Variants in RNF19B observed in about 807,000 individuals in gnomAD.
RNF19B encodes ring finger protein 19B, also known as E3 ubiquitin-protein ligase RNF19B.
Under a neutral mutation model 65.5 loss-of-function variants are expected in RNF19B, and 23 were observed. That is an observed-to-expected ratio of 0.35 (90% CI 0.25 to 0.50). The LOEUF is 0.50. RNF19B is among the 20% of genes least tolerant of loss of function. The pLI is 0.98. For missense variants in RNF19B, 794 were observed against 980.0 expected (o/e 0.81, Z 2.53); for synonymous variants, 372 against 379.6 (o/e 0.98, Z 0.23).
chr1:32,943,979 T>C, intron 6 of RNF19B, 40 bp downstream of exon 6: 3 of 1,574,310 alleles, frequency 1.9e-6, no homozygotes, highest in Non-Finnish European at 2.6e-6. Context: ...TTATCTTGTA[T>C]ATCATAAATT....
intron 3 of RNF19B, 46 bp from the exon 4 acceptor site, chr1:32,946,610 G>C: frequency 6.4e-7 from 1 of 1,556,966 alleles, no homozygotes; most frequent in Non-Finnish European, 8.8e-7. Flanking sequence ...TACAAATACA[G>C]CTAGTATTAT....
chr1:32,954,013 A>G (rs1642574867), intron 1 of RNF19B, among the ~76,000 whole-genome samples: 1 of 144,298 alleles, frequency 6.9e-6, no homozygotes, highest in South Asian at 2.2e-4. Flanking sequence ...GGTTCAAGCG[A>G]TTCTCCTGCC....
At chr1:32,948,185 G>A (rs1298342760) in intron 3 of RNF19B, 37 bp downstream of exon 3, 1 of 1,602,940 alleles carries the variant, frequency 6.2e-7, no homozygotes. Flanking sequence ...GTAAGAGAAT[G>A]AGACTACGAA....
downstream of RNF19B, among the ~76,000 whole-genome samples, chr1:32,933,163 A>C (rs1642047881): frequency 6.6e-6 from 1 of 152,192 alleles, no homozygotes; most frequent in Non-Finnish European, 1.5e-5. Context: ...TCATTGCTAC[A>C]TCTTATACCT....
intron 1 of RNF19B, among the ~76,000 whole-genome samples, chr1:32,950,307 T>G (rs2124152813): frequency 6.6e-6 from 1 of 152,202 alleles, no homozygotes; most frequent in East Asian, 1.9e-4. Context: ...CACAAATCAT[T>G]TATTTACTTT....
chr1:32,953,713 G>T (rs1034908235), intron 1 of RNF19B, among the ~76,000 whole-genome samples: 1 of 151,978 alleles, frequency 6.6e-6, no homozygotes, highest in Non-Finnish European at 1.5e-5. Context: ...GTCTCCTCAA[G>T]ACAGTGACTA....
intron 8 of RNF19B, among the ~76,000 whole-genome samples, chr1:32,938,106 T>C (rs971648110): frequency 7.5e-5 from 10 of 133,316 alleles, no homozygotes; most frequent in African/African-American, 2.6e-4. Context: ...TTAAGTTCCA[T>C]GTAATTATAC....
chr1:32,943,684 T>C (rs1293043276), intron 6 of RNF19B, among the ~76,000 whole-genome samples: 2 of 152,184 alleles, frequency 1.3e-5, no homozygotes, highest in African/African-American at 4.8e-5. Flanking sequence ...AGCTGTTTGT[T>C]GTAAAAAGCA....
At chr1:32,946,340 T>G in intron 4 of RNF19B, 62 bp downstream of exon 4, 1 of 1,490,876 alleles carries the variant, frequency 6.7e-7, no homozygotes. Flanking sequence ...CCCATTTCCC[T>G]CAAACCTTTA....
At position 32,938,711 on chromosome 1, in the gene RNF19B, C is replaced by T. The variant is rs569358504; in HGVS notation, c.1611-183G>A. Among the ~76,000 whole-genome samples, 28 of 152,200 alleles carry T rather than the reference C, an allele frequency of 1.8e-4. 1 individual carries two copies. The highest frequency in any genetic ancestry group is 6.0e-4 in the African/African-American group (25 of 41,540). On this transcript the variant is annotated intron_variant, in intron 7 of 8. Transcript: ENST00000235150. ...TTTTCTCTTAAATATCTATTGAAAT[C>T]GTCCCCTCCTTTCTATCCCCACAGC... is the stretch of plus-strand genomic sequence containing the variant.
chr1:32,943,974 T>G lies in RNF19B; in HGVS notation c.1402+45A>C, dbSNP rs371285962. On this transcript the variant is annotated intron_variant, in intron 6 of 8. Transcript: ENST00000235150. The stretch of plus-strand genomic sequence containing the variant: ...GCGCTGAATTTTACTGATTTTTATC[T>G]TGTATATCATAAATTCAAATGGAAA... 2.4e-5 allele frequency: 37 copies of G among 1,565,872 alleles called. No individual in the cohort carries two copies. The African/African-American group carries it at 4.6e-4, about 20-fold the overall frequency.
chr1:32,942,221 C>A (rs141859174), intron 7 of RNF19B, 31 bp downstream of exon 7: 24 of 1,552,332 alleles, frequency 1.5e-5, no homozygotes, highest in Non-Finnish European at 2.0e-5. Flanking sequence ...TAATTCTAAC[C>A]ATTTCTGTCA....
At position 32,936,772 on chromosome 1, in the gene RNF19B, G is replaced by A; in HGVS notation, c.*34C>T. 2.1e-6 allele frequency: 3 copies of A among 1,456,802 alleles called. No homozygotes were observed. Among genetic ancestry groups the A allele is most frequent in the Non-Finnish European group, 1.8e-6 (2 of 1,096,222 alleles). The allele number at this position is 1,456,802 out of a possible 1,614,324, so 90.2% of individuals were successfully genotyped here. On this transcript the variant is annotated 3_prime_UTR_variant, in exon 9 of 9. Transcript: ENST00000235150. ...AAAATTCCAAAAGATGCAGTTACAAGTGTGCTTCTCAGAACAGGAGCATTC... is the reference window on the plus strand; with the variant it reads ...AAAATTCCAAAAGATGCAGTTACAAATGTGCTTCTCAGAACAGGAGCATTC...
chr1:32,956,549 C>A (rs999373119), intron 1 of RNF19B, among the ~76,000 whole-genome samples: 4 of 152,156 alleles, frequency 2.6e-5, no homozygotes, highest in African/African-American at 4.8e-5. Flanking sequence ...GCACGGGCAA[C>A]AGAGTTACAG....
In RNF19B at chr1:32,950,220, G is replaced by A. The variant is rs548477313; in HGVS notation, c.636-446C>T. On this transcript the variant is annotated intron_variant, in intron 1 of 8. Coordinates refer to ENST00000235150, the MANE Select transcript of RNF19B (RefSeq NM_001300826.2). ...ACTCCTGACCTCAGGTGATCCACCC[G>A]CCTCGGCCTCCCAAAGTGCTGGGAT... Among the ~76,000 whole-genome samples, 15 of 152,184 alleles carry A rather than the reference G, an allele frequency of 9.9e-5. 1 individual carries two copies. Among genetic ancestry groups the A allele is most frequent in the Admixed American group, 2.0e-4 (3 of 15,288 alleles).
intron 1 of RNF19B, among the ~76,000 whole-genome samples, chr1:32,957,278 C>G (rs1282267907): frequency 1.3e-5 from 2 of 152,074 alleles, no homozygotes; most frequent in African/African-American, 2.4e-5. Context: ...CAGCTGGGAC[C>G]ACAGGTGCAC....
At chr1:32,958,630 A>G (rs1047336704) in intron 1 of RNF19B, among the ~76,000 whole-genome samples, 8 of 151,918 alleles carry the variant, frequency 5.3e-5, no homozygotes, top group African/African-American at 1.5e-4. Flanking sequence ...GCAGGAGAAT[A>G]GCATGAACCC....
rs748607981 is a variant in RNF19B, at chr1:32,942,400, G to A, written c.1462C>T (p.Leu488=). The A allele has an allele frequency of 5.3e-5, 85 of 1,614,030 alleles. No homozygotes were observed. Among genetic ancestry groups the A allele is most frequent in the Non-Finnish European group, 4.2e-6 (5 of 1,180,006 alleles). ...PSIGESSIEG[L]TSVLSTSGSP... ...CCACTAGTGCTCAATACACTAGTCAGGCCTTCAATGCTGCTTTCCCCAATG... is the reference window on the plus strand; with the variant it reads ...CCACTAGTGCTCAATACACTAGTCAAGCCTTCAATGCTGCTTTCCCCAATG... Residue 488 remains leucine (L), a synonymous_variant, in exon 7 of 9, where the codon CTG becomes TTG. Coordinates refer to ENST00000235150, the MANE Select transcript of RNF19B (RefSeq NM_001300826.2).
In RNF19B at chr1:32,945,430, G is replaced by C. The variant is rs192629900; in HGVS notation, c.1261+84C>G. 583 of 804,626 alleles carry C rather than the reference G, an allele frequency of 7.2e-4. 4 individuals carry two copies. The East Asian group carries it at 0.012, about 17-fold the overall frequency. 49.8% of individuals were successfully genotyped at this position (804,626 alleles called of 1,614,324 possible). A position where few individuals can be genotyped will look rare whatever the true frequency, so the allele number is the denominator to read the frequency against. On this transcript the variant is annotated intron_variant, in intron 5 of 8. Transcript: ENST00000235150. ...AGGTGGGTTCGCATAAAATGTAGGA[G>C]TCTTTGAGAAACATCTGGCCATCTG...
Sources: allele counts gnomAD v4.1 joint callset (sites outside exome capture counted in the v4.1 genomes callset), GRCh38; gene constraint gnomAD v4.1.1; transcripts MANE v1.5; gene names NCBI Gene and HGNC (gene_info 2026-07-23, HGNC 2026-07-21).